The following BANK1 variants were observed in gnomAD, a reference collection of about 807,000 sequenced individuals.
The protein encoded by BANK1 is B cell scaffold protein with ankyrin repeats 1, also known as B-cell scaffold protein with ankyrin repeats.
A neutral mutation model predicts 94.5 loss-of-function variants in BANK1; 95 were observed. The observed-to-expected ratio is 1.00, with a 90% CI of 0.85 to 1.19. The LOEUF (loss-of-function observed/expected upper bound fraction) is 1.19. Ranked by LOEUF, BANK1 falls within the 50% of genes most tolerant of loss-of-function variation. The probability of loss-of-function intolerance (pLI) is 0.00; values close to 1 mark genes in which losing one functional copy is unlikely to be tolerated. For synonymous variants in BANK1, 334 were observed against 308.4 expected, an observed-to-expected ratio of 1.08 and a Z score of -0.87; for missense variants, 987 against 932.2, an observed-to-expected ratio of 1.06 and a Z score of -0.77.
At chr4:101,999,854 A>G (rs926777113) in intron 7 of BANK1, among the ~76,000 whole-genome samples, 3 of 152,236 alleles carry the variant, frequency 2.0e-5, no homozygotes, top group African/African-American at 7.2e-5. Context: ...TTGATATAGC[A>G]TGTACAAAGA....
intron 10 of BANK1, among the ~76,000 whole-genome samples, chr4:102,041,456 A>G (rs1263004762): frequency 6.6e-6 from 1 of 152,060 alleles, no homozygotes; most frequent in Non-Finnish European, 1.5e-5. Flanking sequence ...GAAAGCGATG[A>G]GAAGACAGTG....
At chr4:101,949,940 C>T (rs1229080063) in intron 7 of BANK1, among the ~76,000 whole-genome samples, 1 of 151,934 alleles carries the variant, frequency 6.6e-6, no homozygotes, top group Non-Finnish European at 1.5e-5. Flanking sequence ...TCTAAGATGA[C>T]ATTGTCTCAA....
chr4:102,068,297 A>G (rs1728653528), intron 13 of BANK1, among the ~76,000 whole-genome samples: 1 of 152,178 alleles, frequency 6.6e-6, no homozygotes, highest in Non-Finnish European at 1.5e-5. Flanking sequence ...TGAAAAGCAA[A>G]CCTTCAAAAA....
intron 7 of BANK1, among the ~76,000 whole-genome samples, chr4:101,930,379 G>T (rs1723299052): frequency 6.6e-6 from 1 of 151,332 alleles, no homozygotes; most frequent in Non-Finnish European, 1.5e-5. Context: ...ACTATTCGTT[G>T]AGTATTGTTA....
At chr4:101,852,489 TATATATATATATATACAC>T (rs1276328810) in intron 2 of BANK1, among the ~76,000 whole-genome samples, 23 of 110,988 alleles carry the variant, frequency 2.1e-4, no homozygotes, top group African/African-American at 5.8e-4. Context: ...TATATATATA[TATATATATATATATACAC>T]ACACACATAT....
chr4:102,052,158 G>T (rs562557662), intron 11 of BANK1, among the ~76,000 whole-genome samples: 1 of 125,846 alleles, frequency 7.9e-6, no homozygotes, highest in South Asian at 2.6e-4. Context: ...TCGCTCTGTT[G>T]CCAGGCTGGA....
Position 102,025,425 on chromosome 4 carries a change from C to T in BANK1, c.1510C>T (p.Leu504Phe). The T allele has an allele frequency of 6.2e-7, 1 of 1,614,094 alleles. No individual in the cohort carries two copies. Among genetic ancestry groups the T allele is most frequent in the South Asian group, 1.1e-5 (1 of 91,076 alleles). ...ADPENNSQEP[L>F]MSSRPPLPPP... is the part of the protein sequence containing the mutation. ...TCCAGAAAATAATTCACAAGAGCCA[C>T]TCATGAGCAGCAGACCTCCTCTCCC... The change falls in exon 9 of 17, where the codon CTC (leucine) becomes TTC (phenylalanine). Residue 504 changes from leucine to phenylalanine, a missense_variant. Transcript: ENST00000322953.
At chr4:102,010,623 A>C (rs1375832047) in intron 7 of BANK1, among the ~76,000 whole-genome samples, 1 of 151,826 alleles carries the variant, frequency 6.6e-6, no homozygotes, top group East Asian at 1.9e-4. Flanking sequence ...GAACTCCTGA[A>C]CTCAGGTGAT....
intron 11 of BANK1, among the ~76,000 whole-genome samples, chr4:102,059,773 C>T (rs1358597921): frequency 5.3e-5 from 8 of 152,158 alleles, no homozygotes; most frequent in Admixed American, 3.9e-4. Context: ...TGTTGGTTAA[C>T]GTCTCCTTTC....
intron 5 of BANK1, among the ~76,000 whole-genome samples, chr4:101,890,156 A>G (rs1446129859): frequency 2.6e-5 from 4 of 152,142 alleles, no homozygotes; most frequent in East Asian, 1.9e-4. Flanking sequence ...GGAGTGGTCT[A>G]TGTATGTGGA....
At chr4:101,855,813 T>A (rs1011289335) in intron 3 of BANK1, among the ~76,000 whole-genome samples, 1 of 152,168 alleles carries the variant, frequency 6.6e-6, no homozygotes, top group Non-Finnish European at 1.5e-5. Flanking sequence ...ACCATAAAAG[T>A]TAGAAGAGAT....
At position 101,879,222 on chromosome 4, in the gene BANK1, G is replaced by A. The variant is rs571030879; in HGVS notation, c.903+8578G>A. Among the ~76,000 whole-genome samples, 20 of 152,006 alleles carry A rather than the reference G, an allele frequency of 1.3e-4. No individual in the cohort carries two copies. The South Asian group carries it at 2.3e-3, about 17-fold the overall frequency. On this transcript the variant is annotated intron_variant, in intron 5 of 16. Transcript: ENST00000322953. ...AAACCTTTAGCAAAACTAGCTAATG[G>A]TAAAGAGAGAAGATACTAATAAATA...
intron 7 of BANK1, among the ~76,000 whole-genome samples, chr4:101,995,660 C>G (rs1315425122): frequency 6.6e-6 from 1 of 152,150 alleles, no homozygotes; most frequent in Non-Finnish European, 1.5e-5. Context: ...GATGGTATCT[C>G]ATTGTGATTT....
intron 1 of BANK1, among the ~76,000 whole-genome samples, chr4:101,801,127 A>G (rs1028489022): frequency 3.9e-5 from 6 of 152,204 alleles, no homozygotes. Flanking sequence ...CCCTCTAGAC[A>G]TGTGGCTGTT....
Position 101,926,697 on chromosome 4 carries a change from G to A in BANK1, c.1206+8508G>A, listed in dbSNP as rs143431729. Reference sequence around the variant, plus strand: ...AGAACCACATTGCATAAAGTGGTGCGTAAAAGGAGATGGGAGGGGGAACAA... The same window carrying A: ...AGAACCACATTGCATAAAGTGGTGCATAAAAGGAGATGGGAGGGGGAACAA... On this transcript the variant is annotated intron_variant, in intron 7 of 16. Coordinates refer to ENST00000322953, the MANE Select transcript of BANK1 (RefSeq NM_017935.5). 4.1e-3 allele frequency among the ~76,000 whole-genome samples: 619 copies of A among 151,816 alleles called. 6 individuals are homozygous for A. The highest frequency in any genetic ancestry group is 0.012 in the African/African-American group (518 of 41,500).
chr4:102,060,371 C>T lies in BANK1; in HGVS notation c.2130C>T (p.Gly710=). 2.5e-6 allele frequency: 4 copies of T among 1,607,818 alleles called. No homozygotes were observed. The highest frequency in any genetic ancestry group is 3.4e-6 in the Non-Finnish European group (4 of 1,177,652). ...AACACTGGCAGATGGGAAAAAGTGG[C>T]CTGGAAATGATTCAGCAGGTAATAT... ...KFKHWQMGKS[G]LEMIQQEKLR... is the part of the protein sequence containing the mutation. The change falls in exon 12 of 17, where the codon GGC becomes GGT. Residue 710 remains glycine, a synonymous_variant. Transcript: ENST00000322953.
Position 102,043,908 on chromosome 4 carries a change from G to A in BANK1, c.1969+1G>A. The A allele has an allele frequency of 6.4e-7, 1 of 1,563,418 alleles. No individual in the cohort carries two copies. The highest frequency in any genetic ancestry group is 8.8e-7 in the Non-Finnish European group (1 of 1,137,316). ...TTCTGTGGTCTTCCTAAGAAACAAG[G>A]TACTAACACTAACTTCAATCTATTT... On this transcript the variant is annotated splice_donor_variant, in intron 11 of 16. Coordinates refer to ENST00000322953, the MANE Select transcript of BANK1 (RefSeq NM_017935.5). LOFTEE classifies it high-confidence loss of function.
At chr4:101,847,760 CACACACACACACACAT>C (rs1306820554) in intron 2 of BANK1, among the ~76,000 whole-genome samples, 136 of 151,686 alleles carry the variant, frequency 9.0e-4, no homozygotes, top group African/African-American at 3.1e-3. Flanking sequence ...CACACACACA[CACACACACACACACAT>C]ATGTCTCACA....
chr4:102,067,293 TTAAC>T (rs1728625739), intron 13 of BANK1, among the ~76,000 whole-genome samples: 1 of 152,072 alleles, frequency 6.6e-6, no homozygotes, highest in Non-Finnish European at 1.5e-5. Flanking sequence ...ATGGTAGTAT[TTAAC>T]TAAGCCATGT....
Sources: gnomAD v4.1 joint callset for allele counts (sites outside exome capture counted in the v4.1 genomes callset) on GRCh38, gnomAD v4.1.1 for gene constraint, MANE v1.5 for transcripts, NCBI Gene and HGNC (gene_info 2026-07-23, HGNC 2026-07-21) for gene names.